Variants in TMEM135 observed in about 807,000 individuals in gnomAD.
TMEM135 encodes peroxisomal membrane protein 52.
In TMEM135, 30 loss-of-function variants were observed where a neutral mutation model predicts 60.3. That is an observed-to-expected ratio of 0.50 (90% CI 0.37 to 0.68). The LOEUF is 0.68. Ranked by LOEUF, TMEM135 falls within the 30% of genes least tolerant of loss-of-function variation. The pLI is 0.00. For synonymous variants in TMEM135, 190 were observed against 186.7 expected (o/e 1.02, Z -0.14); for missense variants, 468 against 548.8 (o/e 0.85, Z 1.47).
chr11:87,255,420 AT>A (rs1941506518), intron 6 of TMEM135, among the ~76,000 whole-genome samples: 1 of 152,206 alleles, frequency 6.6e-6, no homozygotes, highest in Non-Finnish European at 1.5e-5. Context: ...TTTCTTCATT[AT>A]TTATATCTTT....
intron 6 of TMEM135, among the ~76,000 whole-genome samples, chr11:87,260,379 C>T (rs1591148470): frequency 6.6e-6 from 1 of 152,136 alleles, no homozygotes; most frequent in African/African-American, 2.4e-5. Context: ...ATAAGGCTTT[C>T]CTTATCTCAC....
Position 87,181,500 on chromosome 11 carries a change from G to C in TMEM135, c.462+24094G>C, listed in dbSNP as rs747018856. Among the ~76,000 whole-genome samples, 66 of 152,102 alleles carry C rather than the reference G, an allele frequency of 4.3e-4. 1 individual carries two copies. The highest frequency in any genetic ancestry group is 4.1e-3 in the Admixed American group (63 of 15,260). On this transcript the variant is annotated intron_variant, in intron 5 of 14. Transcript: ENST00000305494. Reference sequence around the variant, plus strand: ...GTAAATTCCAAAAATGCCAAATATCGTGTGATTCAGTTTATATGACATTCT... The same window carrying C: ...GTAAATTCCAAAAATGCCAAATATCCTGTGATTCAGTTTATATGACATTCT...
chr11:87,141,384 G>GT (rs1938257245), intron 4 of TMEM135, among the ~76,000 whole-genome samples: 1 of 151,826 alleles, frequency 6.6e-6, no homozygotes, highest in Admixed American at 6.6e-5. Context: ...TTTTCTAGTT[G>GT]GTTTTTGGTA....
rs190161563 is a variant in TMEM135 at position 87,289,929 on chromosome 11, C to G, written c.510-5853C>G. Among the ~76,000 whole-genome samples the G allele has an allele frequency of 1.4e-4, 22 of 152,252 alleles. No homozygotes were observed. In the East Asian group the frequency reaches 4.0e-3, roughly 28 times the overall value. ...TTATTTCACTGAGTATAATGTCTTC[C>G]AGTCCATCCATGTTGCTGCAAATAA... On this transcript the variant is annotated intron_variant, in intron 6 of 14. Coordinates refer to ENST00000305494, the MANE Select transcript of TMEM135 (RefSeq NM_022918.4).
At chr11:87,315,133 G>A (rs1022224702) in intron 12 of TMEM135, among the ~76,000 whole-genome samples, 6 of 151,220 alleles carry the variant, frequency 4.0e-5, no homozygotes, top group African/African-American at 1.5e-4. Flanking sequence ...TACTACTGCT[G>A]CTACTGCTTT....
chr11:87,309,975 A>T (rs912309212), intron 10 of TMEM135, among the ~76,000 whole-genome samples: 1 of 152,112 alleles, frequency 6.6e-6, no homozygotes, highest in African/African-American at 2.4e-5. Flanking sequence ...TTTTTTGGAT[A>T]TTTCCAATAT....
chr11:87,297,518 T>G (rs4400838), intron 7 of TMEM135, among the ~76,000 whole-genome samples: 95,897 of 152,062 alleles, frequency 0.63, 30,523 homozygotes, highest in Non-Finnish European at 0.67. Context: ...AAGTTTAAAG[T>G]TGATAACAAA....
At chr11:87,124,288 A>G (rs887281635) in intron 4 of TMEM135, among the ~76,000 whole-genome samples, 3 of 152,212 alleles carry the variant, frequency 2.0e-5, no homozygotes, top group Non-Finnish European at 2.9e-5. Flanking sequence ...TAGGGCATCT[A>G]CGGGAACTTA....
chr11:87,106,050 T>G (rs1857586705), intron 4 of TMEM135, among the ~76,000 whole-genome samples: 1 of 152,160 alleles, frequency 6.6e-6, no homozygotes, highest in Non-Finnish European at 1.5e-5. Flanking sequence ...CTGGCTTTTT[T>G]CACTTAATAT....
At chr11:87,254,093 G>T (rs1055802428) in intron 6 of TMEM135, among the ~76,000 whole-genome samples, 1 of 152,052 alleles carries the variant, frequency 6.6e-6, no homozygotes, top group African/African-American at 2.4e-5. Context: ...ATAGGTAAAA[G>T]AAATAATTAT....
At chr11:87,277,548 T>A (rs776571010) in intron 6 of TMEM135, 4 of 152,502 alleles carry the variant, frequency 2.6e-5, no homozygotes, top group Admixed American at 6.6e-5. Context: ...TGAGACAGAG[T>A]TTTGCTTTTG....
intron 4 of TMEM135, among the ~76,000 whole-genome samples, chr11:87,107,912 C>T (rs1440972678): frequency 1.3e-5 from 2 of 152,192 alleles, no homozygotes; most frequent in Admixed American, 6.5e-5. Context: ...TCCACATCCT[C>T]TCCAGCACCT....
intron 6 of TMEM135, among the ~76,000 whole-genome samples, chr11:87,239,751 GT>G (rs11304555): frequency 0.66 from 96,882 of 147,714 alleles, 32,058 homozygotes; most frequent in Non-Finnish European, 0.7. Flanking sequence ...AAATATGCCA[GT>G]TTTTTTTTTT....
In TMEM135 at chr11:87,328,404, G is replaced by T; in HGVS notation, c.*7071G>T. The T allele has an allele frequency of 2.2e-6, 1 of 453,934 alleles. No individual in the cohort carries two copies. Among genetic ancestry groups the T allele is most frequent in the South Asian group, 1.6e-5 (1 of 64,468 alleles). 28.1% of individuals were successfully genotyped at this position (453,934 alleles called of 1,614,324 possible). Reference sequence around the variant, plus strand: ...GCTTTTGGGGTACAAGTGGTTTTTGGTTGCATGGATGAATTGTATATTGGT... The same window carrying T: ...GCTTTTGGGGTACAAGTGGTTTTTGTTTGCATGGATGAATTGTATATTGGT... On this transcript the variant is annotated 3_prime_UTR_variant, in exon 15 of 15. Coordinates refer to ENST00000305494, the MANE Select transcript of TMEM135 (RefSeq NM_022918.4).
intron 6 of TMEM135, among the ~76,000 whole-genome samples, chr11:87,286,487 C>T (rs1206770899): frequency 2.6e-5 from 4 of 152,234 alleles, no homozygotes; most frequent in Middle Eastern, 3.2e-3. Context: ...GGGCCACGGG[C>T]GGAGCTGCCT....
At chr11:87,265,728 T>G (rs1432889107) in intron 6 of TMEM135, among the ~76,000 whole-genome samples, 1 of 152,092 alleles carries the variant, frequency 6.6e-6, no homozygotes, top group Non-Finnish European at 1.5e-5. Context: ...TGCCAAATTA[T>G]CTCTGAGATA....
At chr11:87,274,484 C>A (rs113178077) in intron 6 of TMEM135, among the ~76,000 whole-genome samples, 3 of 152,268 alleles carry the variant, frequency 2.0e-5, no homozygotes, top group African/African-American at 7.2e-5. Flanking sequence ...TTCCTCCTTT[C>A]TGAGATTCTT....
chr11:87,125,732 T>G (rs1387645855), intron 4 of TMEM135, among the ~76,000 whole-genome samples: 3 of 152,180 alleles, frequency 2.0e-5, no homozygotes, highest in Non-Finnish European at 2.9e-5. Flanking sequence ...TTACTCCAGC[T>G]GATTTGGGAA....
chr11:87,286,454 T>C (rs1363443870), intron 6 of TMEM135, among the ~76,000 whole-genome samples: 2 of 152,218 alleles, frequency 1.3e-5, no homozygotes, highest in Non-Finnish European at 2.9e-5. Context: ...CCCAGCTGGC[T>C]TCGCCTAGTG....
Sources: gnomAD v4.1 joint callset for allele counts (sites outside exome capture counted in the v4.1 genomes callset) on GRCh38, gnomAD v4.1.1 for gene constraint, MANE v1.5 for transcripts, NCBI Gene and HGNC (gene_info 2026-07-23, HGNC 2026-07-21) for gene names.